Variants in ZNF614 observed in about 807,000 individuals in gnomAD.
ZNF614 encodes the protein zinc finger protein 614.
Under a neutral mutation model 12.8 loss-of-function variants are expected in ZNF614, and 11 were observed. The ratio of observed to expected loss-of-function variants is 0.86; its 90% CI spans 0.54 to 1.43. The LOEUF is 1.43. Among genes scored for constraint, ZNF614 ranks in the 40% most tolerant of loss-of-function variants. The pLI is 0.00. For missense variants in ZNF614, 664 were observed against 708.8 expected (o/e 0.94, Z 0.72); for synonymous variants, 237 against 237.5 (o/e 1.00, Z 0.02).
intron 2 of ZNF614, among the ~76,000 whole-genome samples, chr19:52,024,428 G>T (rs1442920428): frequency 6.6e-6 from 1 of 152,132 alleles, no homozygotes; most frequent in Non-Finnish European, 1.5e-5. Flanking sequence ...ATACCTAATA[G>T]GTATGGAGAA....
chr19:52,025,700 A>C, intron 2 of ZNF614, 31 bp downstream of exon 2: 5 of 1,613,220 alleles, frequency 3.1e-6, no homozygotes, highest in South Asian at 1.1e-5. Flanking sequence ...GCCACCATAA[A>C]TCTATCAAAA....
intron 4 of ZNF614, 32 bp from the exon 5 acceptor site, chr19:52,017,391 T>C (rs372560405): frequency 3.2e-6 from 5 of 1,549,258 alleles, no homozygotes; most frequent in Non-Finnish European, 3.5e-6. Flanking sequence ...AATTCTTCCA[T>C]GAGAATTGTA....
At chr19:52,019,532 TCAAATG>T (rs1221570907) in intron 2 of ZNF614, among the ~76,000 whole-genome samples, 1 of 151,904 alleles carries the variant, frequency 6.6e-6, no homozygotes, top group African/African-American at 2.4e-5. Context: ...CTACCATACA[TCAAATG>T]CAAAGGGAAA....
chr19:52,019,379 A>G (rs537506356), intron 2 of ZNF614, among the ~76,000 whole-genome samples: 3 of 152,206 alleles, frequency 2.0e-5, no homozygotes, highest in Non-Finnish European at 4.4e-5. Flanking sequence ...AAAAGGGAAA[A>G]TAGTGTAATA....
chr19:52,025,768 G>A lies in ZNF614; in HGVS notation c.-23C>T. On this transcript the variant is annotated 5_prime_UTR_variant, in exon 2 of 5. Coordinates refer to ENST00000270649, the MANE Select transcript of ZNF614 (RefSeq NM_025040.4). Reference sequence around the variant, plus strand: ...CATTTTCTTCTGTGCTCAGAAAATAGTGGATAACATGGACTATACGTCTTT... The same window carrying A: ...CATTTTCTTCTGTGCTCAGAAAATAATGGATAACATGGACTATACGTCTTT... 6.2e-7 allele frequency: 1 copy of A among 1,613,568 alleles called. No homozygotes were observed. Among genetic ancestry groups the A allele is most frequent in the East Asian group, 2.2e-5 (1 of 44,862 alleles).
At chr19:52,019,278 G>A (rs149690436) in intron 2 of ZNF614, among the ~76,000 whole-genome samples, 3 of 152,170 alleles carry the variant, frequency 2.0e-5, no homozygotes, top group African/African-American at 7.2e-5. Flanking sequence ...AGAAAATGCA[G>A]TACAGAGAAA....
rs751064925 is a variant in ZNF614, at chr19:52,016,088, T to C, written c.1510A>G (p.Ile504Val). Residue 504 changes from isoleucine (I) to valine (V), a missense_variant, in exon 5 of 5, where the codon ATT becomes GTT. Coordinates refer to ENST00000270649, the MANE Select transcript of ZNF614 (RefSeq NM_025040.4). ...TCATAAGGTTTCTCTCCTGTGTGAA[T>C]TCTCTGATGGGTAATGAGGCCATAT... ...HKYGLITHQRIHTGEKPYECN... is the reference protein window; with the variant it reads ...HKYGLITHQRVHTGEKPYECN... The C allele has an allele frequency of 7.4e-6, 12 of 1,614,190 alleles. No individual in the cohort carries two copies. Among genetic ancestry groups the C allele is most frequent in the South Asian group, 2.2e-5 (2 of 91,084 alleles).
Position 52,015,893 on chromosome 19 carries a change from T to A in ZNF614, c.1705A>T (p.Ser569Cys), listed in dbSNP as rs775740971. 2 of 1,614,090 alleles carry A rather than the reference T, an allele frequency of 1.2e-6. No individual in the cohort carries two copies. The highest frequency in any genetic ancestry group is 1.7e-6 in the Non-Finnish European group (2 of 1,179,976). ...CCATTACAGGAGTTTTCAACTTGAC[T>A]GATTCTACCCATTTCTCTTGTGTGC... ...KMHTREMGRI[S>C]QVENSCNGES... is the part of the protein sequence containing the mutation. Residue 569 changes from serine (S) to cysteine (C), a missense_variant, in exon 5 of 5, where the codon AGT (serine) becomes TGT (cysteine). Transcript: ENST00000270649.
intron 2 of ZNF614, among the ~76,000 whole-genome samples, chr19:52,024,760 G>A (rs2086959548): frequency 6.6e-6 from 1 of 152,176 alleles, no homozygotes; most frequent in Admixed American, 6.5e-5. Flanking sequence ...CAAGTACCCA[G>A]GGACACAACA....
rs765546259 is a variant in ZNF614, at chr19:52,015,214, A to C, written c.*626T>G. ...CTTCATGAGCTGTTGATAGTTTGCT[A>C]AAGGTGTTCCACATTTATTTGATAG... On this transcript the variant is annotated 3_prime_UTR_variant, in exon 5 of 5. Coordinates refer to ENST00000270649, the MANE Select transcript of ZNF614 (RefSeq NM_025040.4). The C allele has an allele frequency of 2.0e-5, 3 of 152,324 alleles. No individual in the cohort carries two copies. The highest frequency in any genetic ancestry group is 2.9e-5 in the Non-Finnish European group (2 of 68,140). The allele number at this position is 152,324 out of a possible 1,614,324, so 9.4% of individuals were successfully genotyped here. A position where few individuals can be genotyped will look rare whatever the true frequency, so the allele number is the denominator to read the frequency against.
chr19:52,016,130 T>C lies in ZNF614; in HGVS notation c.1468A>G (p.Lys490Glu). The C allele has an allele frequency of 6.2e-7, 1 of 1,614,216 alleles. No homozygotes were observed. Among genetic ancestry groups the C allele is most frequent in the South Asian group, 1.1e-5 (1 of 91,084 alleles). ...AGGCCATATTTGTGTGAATAGGATT[T>C]TCCGCACTCGGTACATACAAAGGGA... ...KTPFVCTECG[K>E]SYSHKYGLIT... Residue 490 changes from lysine to glutamate, a missense_variant, in exon 5 of 5, where the codon AAA becomes GAA. Lys to Glu is a moderately conservative substitution (Grantham distance 56). Coordinates refer to ENST00000270649, the MANE Select transcript of ZNF614 (RefSeq NM_025040.4).
chr19:52,016,376 A>G lies in ZNF614; in HGVS notation c.1222T>C (p.Phe408Leu). The change falls in exon 5 of 5, where the codon TTC becomes CTC. Residue 408 changes from phenylalanine (F) to leucine (L), a missense_variant. Transcript: ENST00000270649. ...SYICSECGKG[F>L]TVKRTLVIHQ... ...ATAACGAGAGTGCGTTTGACAGTGA[A>G]GCCTTTTCCACATTCGCTGCATATG... 6.2e-7 allele frequency: 1 copy of G among 1,613,712 alleles called. No homozygotes were observed. Among genetic ancestry groups the G allele is most frequent in the Non-Finnish European group, 8.5e-7 (1 of 1,179,676 alleles).
At chr19:52,018,854 G>T (rs1466052181) in intron 2 of ZNF614, among the ~76,000 whole-genome samples, 1 of 152,112 alleles carries the variant, frequency 6.6e-6, no homozygotes, top group African/African-American at 2.4e-5. Context: ...CCCTAAAGTT[G>T]ATTAGATTTT....
Position 52,016,951 on chromosome 19 carries a change from C to G in ZNF614, c.647G>C (p.Arg216Thr), listed in dbSNP as rs2086902423. ...ACIECEQTFLRKSQLIYHENI... is the reference protein window; with the variant it reads ...ACIECEQTFLTKSQLIYHENI... ...CTCATGGTAAATGAGCTGAGACTTC[C>G]TAAGGAAGGTTTGCTCACATTCAAT... Residue 216 changes from arginine to threonine, a missense_variant, in exon 5 of 5, where the codon AGG becomes ACG. Transcript: ENST00000270649. 1 of 1,614,030 alleles carries G rather than the reference C, an allele frequency of 6.2e-7. No homozygotes were observed. The highest frequency in any genetic ancestry group is 1.1e-5 in the South Asian group (1 of 91,088).
At chr19:52,019,942 C>T (rs1252623801) in intron 2 of ZNF614, among the ~76,000 whole-genome samples, 1 of 152,208 alleles carries the variant, frequency 6.6e-6, no homozygotes, top group Non-Finnish European at 1.5e-5. Context: ...TGCGCAAGTG[C>T]TCAAGCCTGG....
At chr19:52,017,894 T>C (rs2123119719) in intron 4 of ZNF614, 114 bp downstream of exon 4, 1 of 679,290 alleles carries the variant, frequency 1.5e-6, no homozygotes, top group East Asian at 2.7e-5. Flanking sequence ...GATGGGGAGA[T>C]GAATATATAG....
intron 2 of ZNF614, among the ~76,000 whole-genome samples, 160 bp from the exon 3 acceptor site, chr19:52,018,654 G>A (rs191857722): frequency 6.6e-6 from 1 of 152,056 alleles, no homozygotes; most frequent in African/African-American, 2.4e-5. Flanking sequence ...ACATTTTAGC[G>A]CCTATTTCTA....
Position 52,016,265 on chromosome 19 carries a change from GTA to G in ZNF614, c.1331_1332del (p.Ile444ThrfsTer12), listed in dbSNP as rs2086896099. ...KGFTTKRTLI[I>X]HQRTHTGEKP... ...TTTTCTCCTGTATGAGTTCGCTGAT[GTA>G]TAATAAGAGTGCGCTTTGTGGTGAA... is the stretch of plus-strand genomic sequence containing the variant. On this transcript the variant is annotated frameshift_variant, in exon 5 of 5. Coordinates refer to ENST00000270649, the MANE Select transcript of ZNF614 (RefSeq NM_025040.4). LOFTEE classifies it low-confidence loss of function (END_TRUNC). 3.1e-6 allele frequency: 5 copies of G among 1,614,098 alleles called. No homozygotes were observed. The highest frequency in any genetic ancestry group is 4.2e-6 in the Non-Finnish European group (5 of 1,180,036).
chr19:52,016,392 G>A lies in ZNF614; in HGVS notation c.1206C>T (p.Ser402=), dbSNP rs375074468. Residue 402 remains serine (S), a synonymous_variant, in exon 5 of 5, where the codon AGC becomes AGT. Transcript: ENST00000270649. Reference sequence around the variant, plus strand: ...TGACAGTGAAGCCTTTTCCACATTCGCTGCATATGTAAGATTTTTCTCCTG... The same window carrying A: ...TGACAGTGAAGCCTTTTCCACATTCACTGCATATGTAAGATTTTTCTCCTG... The part of the protein sequence containing the change: ...SHTGEKSYIC[S]ECGKGFTVKR... 38 of 1,612,320 alleles carry A rather than the reference G, an allele frequency of 2.4e-5. No homozygotes were observed. Among genetic ancestry groups the A allele is most frequent in the African/African-American group, 5.4e-5 (4 of 74,454 alleles).
Sources: allele counts gnomAD v4.1 joint callset (sites outside exome capture counted in the v4.1 genomes callset), GRCh38; gene constraint gnomAD v4.1.1; transcripts MANE v1.5; gene names NCBI Gene and HGNC (gene_info 2026-07-23, HGNC 2026-07-21).